ADGRL2: variants seen among roughly 807,000 people sequenced by gnomAD.
ADGRL2 encodes the protein calcium-independent alpha-latrotoxin receptor 2.
Under a neutral mutation model 157.4 loss-of-function variants are expected in ADGRL2, and 44 were observed. The observed-to-expected ratio is 0.28, with a 90% CI of 0.22 to 0.36. The LOEUF is 0.36. Ranked by LOEUF, ADGRL2 falls within the 10% of genes least tolerant of loss-of-function variation. ADGRL2 has a pLI of 1.00. For synonymous variants in ADGRL2, 585 were observed against 624.7 expected, an observed-to-expected ratio of 0.94 and a Z score of 0.95; for missense variants, 1,510 against 1,768.9, an observed-to-expected ratio of 0.85 and a Z score of 2.63.
Position 81,703,796 on chromosome 1 carries a change from C to T in ADGRL2, c.-143+3988C>T, listed in dbSNP as rs571086264. ...GTAATGAGTCTGGACTTAGGATTAC[C>T]TAACAGTCTCTAAGTTTACATTTTC... On this transcript the variant is annotated intron_variant, in intron 1 of 20. Transcript: ENST00000359929. Among the ~76,000 whole-genome samples the T allele has an allele frequency of 2.0e-5, 3 of 152,240 alleles. No homozygotes were observed. In the East Asian group the frequency reaches 5.8e-4, roughly 29 times the overall value.
chr1:81,856,476 G>A (rs916943359), intron 2 of ADGRL2, among the ~76,000 whole-genome samples: 4 of 152,038 alleles, frequency 2.6e-5, no homozygotes, highest in Non-Finnish European at 4.4e-5. Context: ...TGTCTTTTTC[G>A]ATCAGCTGTT....
At chr1:81,389,718 T>C (rs1320562454) in intron 1 of ADGRL2, among the ~76,000 whole-genome samples, 1 of 152,152 alleles carries the variant, frequency 6.6e-6, no homozygotes, top group Non-Finnish European at 1.5e-5. Flanking sequence ...TAACTGCACA[T>C]TTGTTGTTTA....
chr1:81,803,432 T>C (rs867148129), intron 1 of ADGRL2, among the ~76,000 whole-genome samples: 2 of 152,106 alleles, frequency 1.3e-5, no homozygotes, highest in Non-Finnish European at 1.5e-5. Flanking sequence ...GGAGGCTTTT[T>C]TTCCCCCCCT....
chr1:81,399,351 T>A (rs2076711127), intron 1 of ADGRL2, among the ~76,000 whole-genome samples: 2 of 152,200 alleles, frequency 1.3e-5, no homozygotes, highest in African/African-American at 4.8e-5. Context: ...TCAGCTATAA[T>A]TTTATTATAT....
intron 2 of ADGRL2, among the ~76,000 whole-genome samples, chr1:81,529,748 G>A (rs1189478752): frequency 6.6e-6 from 1 of 152,116 alleles, no homozygotes; most frequent in Non-Finnish European, 1.5e-5. Flanking sequence ...TCTGACAGTG[G>A]CAAATTAACT....
At chr1:81,724,621 G>C (rs1258435454) in intron 1 of ADGRL2, among the ~76,000 whole-genome samples, 9 of 151,972 alleles carry the variant, frequency 5.9e-5, no homozygotes, top group African/African-American at 2.2e-4. Context: ...ACTATGTATA[G>C]ACATCGTACC....
chr1:81,574,221 T>C (rs1278392761), intron 2 of ADGRL2, among the ~76,000 whole-genome samples: 5 of 64,874 alleles, frequency 7.7e-5, no homozygotes, highest in Non-Finnish European at 2.9e-5. Flanking sequence ...TAGAAGTGGG[T>C]GGTGGGGGAG....
intron 1 of ADGRL2, among the ~76,000 whole-genome samples, chr1:81,399,279 A>C (rs1030587559): frequency 6.6e-6 from 1 of 152,202 alleles, no homozygotes; most frequent in African/African-American, 2.4e-5. Context: ...ATTCAACATG[A>C]GATTTAGGTG....
At chr1:81,814,100 TTA>T (rs1362541734) in intron 1 of ADGRL2, among the ~76,000 whole-genome samples, 1 of 151,756 alleles carries the variant, frequency 6.6e-6, no homozygotes, top group African/African-American at 2.4e-5. Context: ...TTAGGGATGT[TTA>T]TGACAAGGAA....
intron 1 of ADGRL2, among the ~76,000 whole-genome samples, chr1:81,708,198 G>A (rs2083803940): frequency 6.6e-6 from 1 of 152,046 alleles, no homozygotes; most frequent in South Asian, 2.1e-4. Flanking sequence ...GCCTTGCACG[G>A]TTGTTGGTTT....
At chr1:81,946,649 G>A (rs1454350334) in intron 6 of ADGRL2, among the ~76,000 whole-genome samples, 1 of 152,020 alleles carries the variant, frequency 6.6e-6, no homozygotes, top group Non-Finnish European at 1.5e-5. Context: ...ATACACTTCT[G>A]TAATACCAGG....
intron 1 of ADGRL2, among the ~76,000 whole-genome samples, chr1:81,328,734 T>C (rs543441506): frequency 2.0e-5 from 3 of 152,138 alleles, no homozygotes; most frequent in African/African-American, 7.2e-5. Context: ...AAGGATCACC[T>C]CAATTCCAGT....
At chr1:81,603,023 A>T (rs879331437) in intron 3 of ADGRL2, among the ~76,000 whole-genome samples, 1 of 152,208 alleles carries the variant, frequency 6.6e-6, no homozygotes, top group Admixed American at 6.5e-5. Context: ...TAGAAGGTCA[A>T]TGACTGAGTG....
chr1:81,833,164 C>T (rs141064564), intron 1 of ADGRL2, among the ~76,000 whole-genome samples: 202 of 152,186 alleles, frequency 1.3e-3, no homozygotes, highest in Admixed American at 3.6e-3. Flanking sequence ...TTTTGTAAAG[C>T]TAACTTCAGT....
chr1:81,482,860 T>C (rs1259403052), intron 2 of ADGRL2, among the ~76,000 whole-genome samples: 1 of 151,544 alleles, frequency 6.6e-6, no homozygotes, highest in Admixed American at 6.6e-5. Flanking sequence ...ATTATATTTA[T>C]ATTAGCTATA....
chr1:81,557,441 A>G (rs1262608586), intron 2 of ADGRL2: 2 of 125,586 alleles, frequency 1.6e-5, no homozygotes, highest in East Asian at 2.7e-4. Context: ...AAAAGAAAGA[A>G]AGAAAGAGAG....
At chr1:81,694,093 A>G (rs17106915) in intron 3 of ADGRL2, among the ~76,000 whole-genome samples, 1,950 of 152,266 alleles carry the variant, frequency 0.013, 47 homozygotes, top group African/African-American at 0.044. Context: ...CATATTTTGT[A>G]CTCACTTTGA....
chr1:81,813,917 T>A (rs1411114328), intron 1 of ADGRL2, among the ~76,000 whole-genome samples: 2 of 151,644 alleles, frequency 1.3e-5, no homozygotes, highest in Admixed American at 6.6e-5. Context: ...GCATAACTTC[T>A]GTGAGGTTAC....
chr1:81,426,121 A>T (rs910312926), intron 1 of ADGRL2, among the ~76,000 whole-genome samples: 3 of 152,200 alleles, frequency 2.0e-5, no homozygotes, highest in African/African-American at 7.2e-5. Context: ...ATTTTTATGG[A>T]CAAGTTTGAT....
Sources: gnomAD v4.1 joint callset for allele counts (sites outside exome capture counted in the v4.1 genomes callset) on GRCh38, gnomAD v4.1.1 for gene constraint, MANE v1.5 for transcripts, NCBI Gene and HGNC (gene_info 2026-07-23, HGNC 2026-07-21) for gene names.